Variants in MARCHF1 observed in about 807,000 individuals in gnomAD.
MARCHF1 encodes E3 ubiquitin-protein ligase MARCHF1.
In MARCHF1, 40 loss-of-function variants were observed where a neutral mutation model predicts 54.2. The observed-to-expected ratio is 0.74, with a 90% CI of 0.57 to 0.96. The LOEUF is 0.96. Among genes scored for constraint, MARCHF1 ranks in the 40% least tolerant of loss-of-function variants. MARCHF1 has a pLI of 0.00. For synonymous variants in MARCHF1, 236 were observed against 236.3 expected, an observed-to-expected ratio of 1.00 and a Z score of 0.01; for missense variants, 586 against 656.5, an observed-to-expected ratio of 0.89 and a Z score of 1.17.
At chr4:163,956,473 T>C (rs141823952) in intron 3 of MARCHF1, among the ~76,000 whole-genome samples, 332 of 152,260 alleles carry the variant, frequency 2.2e-3, no homozygotes, top group Non-Finnish European at 3.7e-3. Context: ...GGGGACTCGA[T>C]AGTATTCTTT....
At chr4:163,975,305 C>T (rs994727865) in intron 3 of MARCHF1, among the ~76,000 whole-genome samples, 4 of 151,494 alleles carry the variant, frequency 2.6e-5, no homozygotes, top group African/African-American at 9.7e-5. Context: ...AAAGGCTTAA[C>T]AAAGAGTGAG....
In MARCHF1 at chr4:164,189,554, T is replaced by C. The variant is rs146950929; in HGVS notation, c.-322-77892A>G. The C allele has an allele frequency of 9.4e-4, 847 of 899,594 alleles. 4 individuals carry two copies. The African/African-American group carries it at 0.012, about 13-fold the overall frequency. The allele number at this position is 899,594 out of a possible 1,614,324, so 55.7% of individuals were successfully genotyped here. A position where few individuals can be genotyped will look rare whatever the true frequency, so the allele number is the denominator to read the frequency against. ...CATGGCATAAACCCAGATGAAGCTG[T>C]AGTGCATGGTGCTGCTGTCCAGGCT... is the stretch of plus-strand genomic sequence containing the variant. On this transcript the variant is annotated intron_variant, in intron 1 of 9. Transcript: ENST00000514618.
intron 5 of MARCHF1, among the ~76,000 whole-genome samples, chr4:163,677,163 G>A (rs1007678028): frequency 1.3e-5 from 2 of 152,156 alleles, no homozygotes; most frequent in Non-Finnish European, 2.9e-5. Flanking sequence ...GTCAGAAACT[G>A]TGATCAAGCA....
chr4:163,747,033 G>A (rs560752046), intron 4 of MARCHF1, among the ~76,000 whole-genome samples: 1 of 152,270 alleles, frequency 6.6e-6, no homozygotes, highest in Non-Finnish European at 1.5e-5. Context: ...CTGAGGTAAA[G>A]GGAACAAAGT....
chr4:164,180,505 T>C (rs1730805296), intron 1 of MARCHF1, among the ~76,000 whole-genome samples: 1 of 149,496 alleles, frequency 6.7e-6, no homozygotes, highest in Non-Finnish European at 1.5e-5. Context: ...TGGAGCTTGG[T>C]AATGATAAAA....
chr4:163,621,107 G>C (rs1741681401), intron 5 of MARCHF1, among the ~76,000 whole-genome samples: 1 of 152,106 alleles, frequency 6.6e-6, no homozygotes, highest in Non-Finnish European at 1.5e-5. Context: ...TGAAATCATT[G>C]ATCTGATAAC....
At chr4:163,735,079 C>A (rs1346427308) in intron 4 of MARCHF1, among the ~76,000 whole-genome samples, 2 of 152,108 alleles carry the variant, frequency 1.3e-5, no homozygotes, top group African/African-American at 4.8e-5. Context: ...CTCTCAACTG[C>A]ATAAACCTTC....
chr4:164,083,141 T>C (rs906882614), intron 2 of MARCHF1, among the ~76,000 whole-genome samples: 1 of 152,086 alleles, frequency 6.6e-6, no homozygotes, highest in Admixed American at 6.6e-5. Context: ...GAAACAAAAG[T>C]AGTTGCTAAG....
chr4:164,156,497 C>A (rs1730080813), intron 1 of MARCHF1, among the ~76,000 whole-genome samples: 2 of 152,124 alleles, frequency 1.3e-5, no homozygotes, highest in Non-Finnish European at 2.9e-5. Context: ...CATCTCTGCT[C>A]ACTGCAACCT....
At chr4:163,615,823 A>G (rs555282198) in intron 5 of MARCHF1, among the ~76,000 whole-genome samples, 1 of 152,286 alleles carries the variant, frequency 6.6e-6, no homozygotes, top group African/African-American at 2.4e-5. Flanking sequence ...TTGACTTCAA[A>G]ATGTGCTACA....
chr4:164,135,164 A>T (rs1756375710), intron 1 of MARCHF1, among the ~76,000 whole-genome samples: 1 of 152,222 alleles, frequency 6.6e-6, no homozygotes, highest in African/African-American at 2.4e-5. Flanking sequence ...CTGGAGACAC[A>T]CTACGGTTCA....
At chr4:164,019,863 A>G (rs1028839015) in intron 2 of MARCHF1, among the ~76,000 whole-genome samples, 2 of 152,238 alleles carry the variant, frequency 1.3e-5, no homozygotes, top group African/African-American at 2.4e-5. Context: ...GTAAGGGTGT[A>G]GAGTTGCAGT....
At chr4:164,133,139 A>G (rs145329392) in intron 1 of MARCHF1, among the ~76,000 whole-genome samples, 3 of 152,256 alleles carry the variant, frequency 2.0e-5, no homozygotes, top group East Asian at 3.9e-4. Context: ...AACAGACAAA[A>G]TGTGGCTCAG....
intron 3 of MARCHF1, among the ~76,000 whole-genome samples, chr4:163,968,582 T>G (rs1255140407): frequency 6.6e-6 from 1 of 152,176 alleles, no homozygotes; most frequent in Non-Finnish European, 1.5e-5. Context: ...ACCTCACCAG[T>G]GTTTGTTGAG....
chr4:164,015,324 C>G (rs949234296), intron 2 of MARCHF1, among the ~76,000 whole-genome samples: 1 of 152,016 alleles, frequency 6.6e-6, no homozygotes, highest in African/African-American at 2.4e-5. Context: ...TAAGGACTTA[C>G]AACTAAAAAT....
intron 4 of MARCHF1, among the ~76,000 whole-genome samples, chr4:163,781,833 T>C (rs542098199): frequency 6.6e-6 from 1 of 152,306 alleles, no homozygotes; most frequent in South Asian, 2.1e-4. Flanking sequence ...AAAAATCATA[T>C]GTGAGTTTTG....
intron 1 of MARCHF1, chr4:164,188,505 G>A (rs1417386087): frequency 2.0e-5 from 14 of 687,256 alleles, no homozygotes; most frequent in Middle Eastern, 5.8e-4. Flanking sequence ...TGCTGCGTCT[G>A]TGTGTTCAAG....
chr4:163,562,295 C>T (rs573646343), intron 8 of MARCHF1, among the ~76,000 whole-genome samples: 52 of 116,106 alleles, frequency 4.5e-4, no homozygotes, highest in Middle Eastern at 4.3e-3. Context: ...GACTCTGTCT[C>T]AAAAACAAAA....
intron 1 of MARCHF1, among the ~76,000 whole-genome samples, chr4:164,247,573 A>G (rs1732989260): frequency 6.7e-6 from 1 of 149,308 alleles, no homozygotes. Flanking sequence ...TAACATGCAC[A>G]ATGTGCACAT....
Sources: allele counts gnomAD v4.1 joint callset (sites outside exome capture counted in the v4.1 genomes callset), GRCh38; gene constraint gnomAD v4.1.1; transcripts MANE v1.5; gene names NCBI Gene and HGNC (gene_info 2026-07-23, HGNC 2026-07-21).